Variants in MIPEP observed in about 807,000 individuals in gnomAD.
The protein encoded by MIPEP is mitochondrial intermediate peptidase.
MIPEP carries 79 observed loss-of-function variants against 90.3 expected under a neutral mutation model. The observed-to-expected ratio is 0.87, with a 90% CI of 0.73 to 1.05. The LOEUF (loss-of-function observed/expected upper bound fraction) is 1.05. Ranked by LOEUF, MIPEP falls within the 50% of genes least tolerant of loss-of-function variation. The pLI is 0.00. For missense variants in MIPEP, 940 were observed against 905.6 expected (o/e 1.04, Z -0.49); for synonymous variants, 334 against 315.8 (o/e 1.06, Z -0.61).
At chr13:23,747,546 T>C (rs758963210) in intron 18 of MIPEP, 13 of 512,562 alleles carry the variant, frequency 2.5e-5, no homozygotes, top group Admixed American at 2.2e-4. Context: ...AAGGGCAGGA[T>C]AGGAGTAAGA....
At chr13:23,874,587 C>G (rs1439089790) in intron 5 of MIPEP, among the ~76,000 whole-genome samples, 1 of 152,188 alleles carries the variant, frequency 6.6e-6, no homozygotes, top group African/African-American at 2.4e-5. Flanking sequence ...CCTATCTCAT[C>G]CTAATTCCAT....
intron 16 of MIPEP, among the ~76,000 whole-genome samples, chr13:23,799,896 G>T (rs1953013811): frequency 6.6e-6 from 1 of 152,186 alleles, no homozygotes; most frequent in South Asian, 2.1e-4. Context: ...ATTGTGAGTT[G>T]TGAAGAAAGA....
At chr13:23,838,209 T>C (rs1238452096) in intron 12 of MIPEP, among the ~76,000 whole-genome samples, 1 of 152,174 alleles carries the variant, frequency 6.6e-6, no homozygotes, top group African/African-American at 2.4e-5. Flanking sequence ...AGTGTTGTGA[T>C]CGCAGTTCAC....
At chr13:23,869,161 C>T in intron 7 of MIPEP, 131 bp downstream of exon 7, 1 of 801,896 alleles carries the variant, frequency 1.2e-6, no homozygotes, top group Non-Finnish European at 1.8e-6. Context: ...TATAAAAATA[C>T]ATAGAAAATC....
intron 10 of MIPEP, 74 bp downstream of exon 10, chr13:23,858,786 G>A: frequency 7.5e-7 from 1 of 1,341,172 alleles, no homozygotes; most frequent in Non-Finnish European, 1.1e-6. Flanking sequence ...CGACTCAGTG[G>A]ATGACAGTAG....
At chr13:23,749,142 G>A (rs757031675) in intron 18 of MIPEP, among the ~76,000 whole-genome samples, 50 of 152,176 alleles carry the variant, frequency 3.3e-4, no homozygotes, top group Non-Finnish European at 4.0e-4. Flanking sequence ...TTCTGTTTCA[G>A]TATCTGTGTA....
intron 4 of MIPEP, 69 bp from the exon 5 acceptor site, chr13:23,874,978 T>C: frequency 7.2e-7 from 1 of 1,397,510 alleles, no homozygotes; most frequent in African/African-American, 1.5e-5. Flanking sequence ...TGTGGTTTTT[T>C]GTTAAATAAA....
intron 16 of MIPEP, among the ~76,000 whole-genome samples, chr13:23,801,772 T>C (rs1953045258): frequency 6.6e-6 from 1 of 152,326 alleles, no homozygotes; most frequent in South Asian, 2.1e-4. Flanking sequence ...TCAATTTCCA[T>C]AGCTGAACAG....
intron 16 of MIPEP, among the ~76,000 whole-genome samples, chr13:23,773,595 T>A (rs762803220): frequency 4.6e-5 from 7 of 152,130 alleles, no homozygotes; most frequent in Non-Finnish European, 8.8e-5. Flanking sequence ...CGTATGAGGG[T>A]TCCAATTTCT....
chr13:23,885,553 T>C (rs1354630975), intron 2 of MIPEP, among the ~76,000 whole-genome samples: 1 of 152,088 alleles, frequency 6.6e-6, no homozygotes, highest in Non-Finnish European at 1.5e-5. Context: ...ACATCTCATG[T>C]ACCTCATGAA....
At chr13:23,793,339 T>C (rs140986047) in intron 16 of MIPEP, among the ~76,000 whole-genome samples, 1 of 152,320 alleles carries the variant, frequency 6.6e-6, no homozygotes, top group African/African-American at 2.4e-5. Context: ...AGAGGATTTC[T>C]GTATGATGCC....
intron 16 of MIPEP, among the ~76,000 whole-genome samples, chr13:23,779,285 C>T (rs911586548): frequency 1.3e-5 from 2 of 152,034 alleles, no homozygotes; most frequent in Non-Finnish European, 2.9e-5. Flanking sequence ...TAGAAAACCC[C>T]GAAATTGTGG....
Position 23,756,637 on chromosome 13 carries a change from G to A in MIPEP, c.1971-19C>T. 2 of 1,609,724 alleles carry A rather than the reference G, an allele frequency of 1.2e-6. No homozygotes were observed. Among genetic ancestry groups the A allele is most frequent in the Non-Finnish European group, 1.7e-6 (2 of 1,178,912 alleles). The stretch of plus-strand genomic sequence containing the variant: ...GGCAGCCCTGGGGAAGAGAGGTTCT[G>A]TTACAGACTCCTGCTTGCACAGCCT... On this transcript the variant is annotated intron_variant, in intron 17 of 18. Transcript: ENST00000382172.
intron 14 of MIPEP, among the ~76,000 whole-genome samples, chr13:23,821,091 G>A (rs995626940): frequency 1.1e-4 from 17 of 152,128 alleles, no homozygotes; most frequent in African/African-American, 4.1e-4. Context: ...TATTTTTTCA[G>A]ATATCACCTA....
chr13:23,799,246 G>A (rs369346617), intron 16 of MIPEP, among the ~76,000 whole-genome samples: 31 of 151,752 alleles, frequency 2.0e-4, no homozygotes, highest in African/African-American at 7.5e-4. Flanking sequence ...CTAAGCTCAG[G>A]CAATCCGCCC....
intron 17 of MIPEP, among the ~76,000 whole-genome samples, chr13:23,757,592 C>T (rs1182872570): frequency 6.6e-6 from 1 of 152,042 alleles, no homozygotes; most frequent in East Asian, 1.9e-4. Context: ...GAGAAGCTGG[C>T]AGGAAAAGGT....
At chr13:23,882,705 C>A (rs1871318339) in intron 2 of MIPEP, among the ~76,000 whole-genome samples, 1 of 151,944 alleles carries the variant, frequency 6.6e-6, no homozygotes, top group Non-Finnish European at 1.5e-5. Context: ...AATAAAATCA[C>A]CACAAGATAA....
chr13:23,889,082 G>A (rs1321773099), intron 1 of MIPEP, 50 bp downstream of exon 1: 3 of 1,360,982 alleles, frequency 2.2e-6, no homozygotes, highest in Admixed American at 3.7e-5. Context: ...GCGCGGAGCA[G>A]GGGTCGGCTT....
chr13:23,786,009 A>C (rs1423078772), intron 16 of MIPEP, among the ~76,000 whole-genome samples: 16 of 152,206 alleles, frequency 1.1e-4, no homozygotes. Flanking sequence ...CTTTAAGCCC[A>C]GGAGTTGAAA....
Sources: allele counts gnomAD v4.1 joint callset (sites outside exome capture counted in the v4.1 genomes callset), GRCh38; gene constraint gnomAD v4.1.1; transcripts MANE v1.5; gene names NCBI Gene and HGNC (gene_info 2026-07-23, HGNC 2026-07-21).